Variants in KCNIP4 observed in about 807,000 individuals in gnomAD.
The protein encoded by KCNIP4 is potassium voltage-gated channel interacting protein 4, also known as Kv channel-interacting protein 4.
In KCNIP4, 12 loss-of-function variants were observed where a neutral mutation model predicts 34.0. That is an observed-to-expected ratio of 0.35 (90% CI 0.23 to 0.57). KCNIP4 has a LOEUF of 0.57. KCNIP4 is among the 20% of genes least tolerant of loss of function. KCNIP4 has a pLI of 0.83. For synonymous variants in KCNIP4, 124 were observed against 102.2 expected, an observed-to-expected ratio of 1.21 and a Z score of -1.29; for missense variants, 238 against 311.7, an observed-to-expected ratio of 0.76 and a Z score of 1.78.
chr4:21,832,323 G>GC (rs1347478310), intron 1 of KCNIP4, among the ~76,000 whole-genome samples: 1 of 152,120 alleles, frequency 6.6e-6, no homozygotes, highest in African/African-American at 2.4e-5. Context: ...AGAGAAAGAT[G>GC]CCCACTCTTG....
chr4:21,864,885 A>T (rs2109356554), intron 1 of KCNIP4, among the ~76,000 whole-genome samples: 1 of 152,352 alleles, frequency 6.6e-6, no homozygotes, highest in Admixed American at 6.5e-5. Context: ...AATGCGGAAA[A>T]TTGGGTTTCC....
intron 1 of KCNIP4, among the ~76,000 whole-genome samples, chr4:21,726,464 G>T (rs1394871876): frequency 6.6e-6 from 1 of 152,116 alleles, no homozygotes; most frequent in Non-Finnish European, 1.5e-5. Flanking sequence ...CCCTAACTAT[G>T]GGATGACCTA....
chr4:20,794,708 G>C (rs1392532231), intron 3 of KCNIP4, among the ~76,000 whole-genome samples: 4 of 152,020 alleles, frequency 2.6e-5, no homozygotes, highest in Non-Finnish European at 1.5e-5. Context: ...TCTCTGTGTG[G>C]GTTATGCGAT....
chr4:20,792,312 G>T lies in KCNIP4; in HGVS notation c.289-33422C>A, dbSNP rs1316712766. On this transcript the variant is annotated intron_variant, in intron 3 of 8. Transcript: ENST00000382152. ...TTGCTTGAACCCGGGGGCAGAGGTT[G>T]CAGTGAACCGAGATTGCACTCCAGC... 2.0e-5 allele frequency among the ~76,000 whole-genome samples: 3 copies of T among 152,144 alleles called. No homozygotes were observed. The East Asian group carries it at 5.8e-4, about 30-fold the overall frequency.
At chr4:20,911,311 G>C (rs552190076) in intron 1 of KCNIP4, among the ~76,000 whole-genome samples, 28 of 152,238 alleles carry the variant, frequency 1.8e-4, no homozygotes, top group Non-Finnish European at 3.5e-4. Flanking sequence ...CGTGTAAACT[G>C]TGTTTGCTTA....
At chr4:21,358,971 T>C (rs1198961893) in intron 1 of KCNIP4, among the ~76,000 whole-genome samples, 2 of 152,092 alleles carry the variant, frequency 1.3e-5, no homozygotes, top group Non-Finnish European at 1.5e-5. Context: ...CTCCCCACAA[T>C]GTATAAAACC....
At chr4:21,706,063 G>C (rs893934583) in intron 1 of KCNIP4, among the ~76,000 whole-genome samples, 1 of 152,088 alleles carries the variant, frequency 6.6e-6, no homozygotes, top group African/African-American at 2.4e-5. Flanking sequence ...ATTAGGAAGA[G>C]AACTATACAA....
intron 2 of KCNIP4, among the ~76,000 whole-genome samples, chr4:20,878,682 C>T (rs1262348364): frequency 5.3e-5 from 8 of 152,128 alleles, no homozygotes; most frequent in East Asian, 1.9e-4. Context: ...GACCAAATAA[C>T]GAAATTAAGA....
chr4:21,267,559 G>A (rs1220973100), intron 1 of KCNIP4, among the ~76,000 whole-genome samples: 1 of 149,808 alleles, frequency 6.7e-6, no homozygotes, highest in Non-Finnish European at 1.5e-5. Flanking sequence ...TTAGCATGAA[G>A]CGTTGTTGAA....
At chr4:21,579,785 G>A (rs1392942670) in intron 1 of KCNIP4, among the ~76,000 whole-genome samples, 2 of 152,108 alleles carry the variant, frequency 1.3e-5, no homozygotes, top group Non-Finnish European at 2.9e-5. Flanking sequence ...TTAGCATAGA[G>A]ATAAAAACTT....
chr4:21,599,048 T>C (rs1742884605), intron 1 of KCNIP4, among the ~76,000 whole-genome samples: 1 of 152,074 alleles, frequency 6.6e-6, no homozygotes, highest in South Asian at 2.1e-4. Context: ...ATTATTGTTT[T>C]GCTGTCAACA....
At chr4:21,140,075 T>C (rs138713698) in intron 1 of KCNIP4, among the ~76,000 whole-genome samples, 8 of 152,244 alleles carry the variant, frequency 5.3e-5, no homozygotes, top group African/African-American at 1.9e-4. Flanking sequence ...CAAAAGTTCA[T>C]AGTAGAGTGC....
intron 1 of KCNIP4, among the ~76,000 whole-genome samples, chr4:21,665,701 G>A (rs1360979595): frequency 6.6e-6 from 1 of 152,160 alleles, no homozygotes; most frequent in Non-Finnish European, 1.5e-5. Flanking sequence ...GTGTAGTGCT[G>A]TCTGCAATGA....
At chr4:21,646,259 G>T (rs1173206217) in intron 1 of KCNIP4, among the ~76,000 whole-genome samples, 1 of 152,144 alleles carries the variant, frequency 6.6e-6, no homozygotes, top group Admixed American at 6.5e-5. Context: ...GATCAAATTG[G>T]TTGAGTTGCC....
intron 1 of KCNIP4, among the ~76,000 whole-genome samples, chr4:21,110,673 G>A (rs1301242272): frequency 6.6e-6 from 1 of 152,132 alleles, no homozygotes; most frequent in Non-Finnish European, 1.5e-5. Context: ...GATGGCATTA[G>A]GAGGTGAGGG....
intron 1 of KCNIP4, chr4:21,316,455 C>T (rs1560284002): frequency 6.6e-6 from 1 of 152,148 alleles, no homozygotes; most frequent in Non-Finnish European, 1.5e-5. Flanking sequence ...GTCTAGAATT[C>T]AACCATTAAA....
intron 1 of KCNIP4, among the ~76,000 whole-genome samples, chr4:21,668,431 G>A (rs566323260): frequency 3.9e-5 from 6 of 152,278 alleles, no homozygotes; most frequent in African/African-American, 1.4e-4. Flanking sequence ...AAGGTATGAT[G>A]TGCTTCTTAC....
intron 1 of KCNIP4, among the ~76,000 whole-genome samples, chr4:21,759,650 A>G (rs560956779): frequency 6.6e-6 from 1 of 152,274 alleles, no homozygotes; most frequent in African/African-American, 2.4e-5. Context: ...GAGGAGACCT[A>G]TTAACCTGGT....
chr4:21,299,338 T>C lies in KCNIP4; in HGVS notation c.62-416629A>G, dbSNP rs560847031. Among the ~76,000 whole-genome samples the C allele has an allele frequency of 8.5e-5, 13 of 152,236 alleles. No homozygotes were observed. In the South Asian group the frequency reaches 2.7e-3, roughly 32 times the overall value. On this transcript the variant is annotated intron_variant, in intron 1 of 8. Coordinates refer to ENST00000382152, the MANE Select transcript of KCNIP4 (RefSeq NM_025221.6). The stretch of plus-strand genomic sequence containing the variant: ...GATTAGAATCCAAGTTAAATAACTT[T>C]AGATCCTCTGAGTGTAATCTCTGAA...
Sources: allele counts gnomAD v4.1 joint callset (sites outside exome capture counted in the v4.1 genomes callset), GRCh38; gene constraint gnomAD v4.1.1; transcripts MANE v1.5; gene names NCBI Gene and HGNC (gene_info 2026-07-23, HGNC 2026-07-21).